The following MYO1E variants were observed in gnomAD, a reference collection of about 807,000 sequenced individuals.
MYO1E encodes the protein unconventional myosin-Ie.
In MYO1E, 68 loss-of-function variants were observed where a neutral mutation model predicts 151.1. The ratio of observed to expected loss-of-function variants is 0.45; its 90% CI spans 0.37 to 0.55. The LOEUF is 0.55. MYO1E is among the 20% of genes least tolerant of loss of function. MYO1E has a pLI of 0.00. For synonymous variants in MYO1E, 601 were observed against 501.7 expected, an observed-to-expected ratio of 1.20 and a Z score of -2.64; for missense variants, 1,363 against 1,389.3, an observed-to-expected ratio of 0.98 and a Z score of 0.30.
At chr15:59,209,813 ACCTTTTTTT>A (rs1414741583) in intron 13 of MYO1E, among the ~76,000 whole-genome samples, 1,148 of 71,138 alleles carry the variant, frequency 0.016, 85 homozygotes, top group African/African-American at 0.053. Flanking sequence ...ATTTTGAATC[ACCTTTTTTT>A]TTTTTTTTTT....
intron 3 of MYO1E, 26 bp from the exon 4 acceptor site, chr15:59,256,404 A>G (rs1175559840): frequency 2.4e-6 from 3 of 1,256,434 alleles, no homozygotes; most frequent in Non-Finnish European, 3.3e-6. Flanking sequence ...ATAATAATAC[A>G]TAAATAATAA....
chr15:59,240,523 A>G (rs948368829), intron 4 of MYO1E, among the ~76,000 whole-genome samples: 1 of 152,258 alleles, frequency 6.6e-6, no homozygotes, highest in Non-Finnish European at 1.5e-5. Context: ...GAGAAAGGTT[A>G]TTCCTCACTT....
chr15:59,216,389 A>G (rs1474167072), intron 10 of MYO1E, among the ~76,000 whole-genome samples: 2 of 151,920 alleles, frequency 1.3e-5, no homozygotes, highest in Non-Finnish European at 2.9e-5. Flanking sequence ...TCTCTTTAAA[A>G]TACTCAGAAC....
intron 24 of MYO1E, 47 bp from the exon 25 acceptor site, chr15:59,158,426 T>A: frequency 1.4e-6 from 2 of 1,436,652 alleles, no homozygotes; most frequent in Non-Finnish European, 1.9e-6. Flanking sequence ...TGGTTGGTTT[T>A]ATGGATCCTC....
At chr15:59,238,391 A>C (rs1228361609) in intron 4 of MYO1E, among the ~76,000 whole-genome samples, 1 of 152,248 alleles carries the variant, frequency 6.6e-6, no homozygotes, top group Non-Finnish European at 1.5e-5. Flanking sequence ...AATACTGCAC[A>C]GGCATTTGAA....
At chr15:59,174,024 C>G in intron 20 of MYO1E, 102 bp downstream of exon 20, 1 of 1,489,192 alleles carries the variant, frequency 6.7e-7, no homozygotes, top group Non-Finnish European at 9.4e-7. Context: ...ATATTTTTAG[C>G]GTGACATTAT....
At chr15:59,324,515 G>C (rs1230606715) in intron 1 of MYO1E, among the ~76,000 whole-genome samples, 1 of 152,104 alleles carries the variant, frequency 6.6e-6, no homozygotes, top group African/African-American at 2.4e-5. Flanking sequence ...AGAGTATCTG[G>C]GTTGGTTCAA....
At chr15:59,233,638 T>A (rs1369334565) in intron 5 of MYO1E, among the ~76,000 whole-genome samples, 1 of 127,124 alleles carries the variant, frequency 7.9e-6, no homozygotes, top group Non-Finnish European at 1.6e-5. Context: ...CACTCCAGCC[T>A]GGCGACAGAG....
intron 14 of MYO1E, chr15:59,206,751 T>C: frequency 1.7e-6 from 1 of 602,270 alleles, no homozygotes; most frequent in South Asian, 2.1e-5. Context: ...TGCCTTAGTC[T>C]GAGCACCCAC....
At chr15:59,355,546 C>T (rs534863428) in intron 1 of MYO1E, among the ~76,000 whole-genome samples, 1 of 152,300 alleles carries the variant, frequency 6.6e-6, no homozygotes, top group East Asian at 1.9e-4. Context: ...AGTTCCAGAA[C>T]AAAGATTTTA....
intron 1 of MYO1E, among the ~76,000 whole-genome samples, chr15:59,295,347 C>T (rs1381279836): frequency 6.6e-6 from 1 of 151,958 alleles, no homozygotes; most frequent in Admixed American, 6.6e-5. Context: ...CTTTTCACCA[C>T]GTGAAAACCC....
rs976461487 is a variant in MYO1E at position 59,306,924 on chromosome 15, G to A, written c.4-34475C>T. Among the ~76,000 whole-genome samples the A allele has an allele frequency of 2.6e-5, 4 of 152,190 alleles. No homozygotes were observed. The East Asian group carries it at 5.8e-4, about 22-fold the overall frequency. ...TCCTGGTCTCCCTGTTATGAGCAGC[G>A]TTGCAGCAAGCGTTCTCATTCCTGT... is the stretch of plus-strand genomic sequence containing the variant. On this transcript the variant is annotated intron_variant, in intron 1 of 27. Coordinates refer to ENST00000288235, the MANE Select transcript of MYO1E (RefSeq NM_004998.4).
At chr15:59,230,200 G>T (rs1444697771) in intron 6 of MYO1E, among the ~76,000 whole-genome samples, 1 of 128,732 alleles carries the variant, frequency 7.8e-6, no homozygotes, top group Non-Finnish European at 1.6e-5. Context: ...GGTGAATAGT[G>T]AGAGAGAGAG....
intron 1 of MYO1E, among the ~76,000 whole-genome samples, chr15:59,326,597 A>G (rs1303558497): frequency 6.6e-6 from 1 of 152,234 alleles, no homozygotes; most frequent in African/African-American, 2.4e-5. Flanking sequence ...TCAATGTCGT[A>G]TCGACACGTG....
chr15:59,173,653 T>A (rs2079608205), intron 21 of MYO1E, 93 bp downstream of exon 21: 1 of 1,511,300 alleles, frequency 6.6e-7, no homozygotes, highest in Non-Finnish European at 9.2e-7. Flanking sequence ...AACGAACACA[T>A]TCTGATTTGG....
intron 26 of MYO1E, among the ~76,000 whole-genome samples, chr15:59,148,231 G>T (rs2079453778): frequency 6.6e-6 from 1 of 152,094 alleles, no homozygotes; most frequent in Non-Finnish European, 1.5e-5. Flanking sequence ...AAGGCACATG[G>T]CTCAGTAAAT....
chr15:59,221,492 A>G (rs2079956232), intron 9 of MYO1E, among the ~76,000 whole-genome samples: 1 of 152,142 alleles, frequency 6.6e-6, no homozygotes, highest in African/African-American at 2.4e-5. Flanking sequence ...GGACTAGAAA[A>G]GGTATAGAAG....
At position 59,137,300 on chromosome 15, in the gene MYO1E, G is replaced by A. The variant is rs187936977; in HGVS notation, c.*80C>T. 3.9e-6 allele frequency: 5 copies of A among 1,269,470 alleles called. No individual in the cohort carries two copies. Among genetic ancestry groups the A allele is most frequent in the African/African-American group, 1.5e-5 (1 of 67,860 alleles). 78.6% of individuals were successfully genotyped at this position (1,269,470 alleles called of 1,614,324 possible). A position where few individuals can be genotyped will look rare whatever the true frequency, so the allele number is the denominator to read the frequency against. Reference sequence around the variant, plus strand: ...GAGAAGCAATTGCTCATTGTGGATTGTAAGGGGAGCCCCTAAATATCCCCT... The same window carrying A: ...GAGAAGCAATTGCTCATTGTGGATTATAAGGGGAGCCCCTAAATATCCCCT... On this transcript the variant is annotated 3_prime_UTR_variant, in exon 28 of 28. Transcript: ENST00000288235.
chr15:59,168,475 G>A lies in MYO1E; in HGVS notation c.2480+3422C>T, dbSNP rs180854970. Among the ~76,000 whole-genome samples the A allele has an allele frequency of 2.6e-5, 4 of 152,140 alleles. No individual in the cohort carries two copies. In the East Asian group the frequency reaches 5.8e-4, roughly 22 times the overall value. On this transcript the variant is annotated intron_variant, in intron 22 of 27. Transcript: ENST00000288235. ...GTGGGAGGATTGCTTGAACCTGGAG[G>A]GCGAGGCTGCAGTGAGCCGAGATTG...
Sources: gnomAD v4.1 joint callset for allele counts (sites outside exome capture counted in the v4.1 genomes callset) on GRCh38, gnomAD v4.1.1 for gene constraint, MANE v1.5 for transcripts, NCBI Gene and HGNC (gene_info 2026-07-23, HGNC 2026-07-21) for gene names.